The following DNM1 variants were observed in gnomAD, a reference collection of about 807,000 sequenced individuals.
The protein encoded by DNM1 is dynamin 1.
DNM1 carries 29 observed loss-of-function variants against 104.6 expected under a neutral mutation model. The observed-to-expected ratio is 0.28, with a 90% CI of 0.21 to 0.38. The LOEUF (loss-of-function observed/expected upper bound fraction) is 0.38. Ranked by LOEUF, DNM1 falls within the 10% of genes least tolerant of loss-of-function variation. The probability of loss-of-function intolerance (pLI) is 1.00; values close to 1 mark genes in which losing one functional copy is unlikely to be tolerated. For missense variants in DNM1, 640 were observed against 1,189.4 expected, an observed-to-expected ratio of 0.54 and a Z score of 6.79; for synonymous variants, 445 against 475.8, an observed-to-expected ratio of 0.94 and a Z score of 0.84.
In DNM1 at chr9:128,250,201, G is replaced by A. The variant is rs146678077; in HGVS notation, c.2163G>A (p.Gln721=). Residue 721 remains glutamine, a synonymous_variant, in exon 20 of 22, where the codon CAG becomes CAA. Transcript: ENST00000372923. ...CGCTGATGGAGGAGTCGGCGGAGCA[G>A]GCACAGCGGCGCGACGAGATGCTGC... ...QNTLMEESAE[Q]AQRRDEMLRM... is the part of the protein sequence containing the mutation. The A allele has an allele frequency of 1.1e-5, 17 of 1,614,064 alleles. No individual in the cohort carries two copies. The highest frequency in any genetic ancestry group is 1.4e-5 in the Non-Finnish European group (17 of 1,180,046).
intron 3 of DNM1, 47 bp from the exon 4 acceptor site, chr9:128,219,002 C>T (rs927628227): frequency 6.2e-7 from 1 of 1,601,150 alleles, no homozygotes. Context: ...ACCTCGCCCG[C>T]GGCCACGCCC....
intron 11 of DNM1, among the ~76,000 whole-genome samples, chr9:128,234,554 A>C (rs1835893881): frequency 6.6e-6 from 1 of 152,048 alleles, no homozygotes; most frequent in Non-Finnish European, 1.5e-5. Flanking sequence ...TTGTATTTTT[A>C]GTACAGACAG....
intron 10 of DNM1, among the ~76,000 whole-genome samples, chr9:128,229,758 G>A (rs1588394059): frequency 6.6e-6 from 1 of 151,876 alleles, no homozygotes; most frequent in South Asian, 2.1e-4. Context: ...ACTAAAAATA[G>A]AAAAATTAGC....
rs1418145041 is a variant in DNM1, at chr9:128,243,254, T to C, written c.1671+909T>C. ...AATGAGTCTATTTGGCTTTCACATC[T>C]GGATTCCAGAGGTGACCAGAGAGAA... On this transcript the variant is annotated intron_variant, in intron 15 of 21. Transcript: ENST00000372923. The surrounding 1 kb of genome is among the most constrained non-coding windows in gnomAD (Gnocchi z 4.0). Among the ~76,000 whole-genome samples the C allele has an allele frequency of 1.3e-5, 2 of 151,808 alleles. No individual in the cohort carries two copies. The highest frequency in any genetic ancestry group is 2.9e-5 in the Non-Finnish European group (2 of 67,924).
At chr9:128,216,932 G>A (rs1834641927) in intron 1 of DNM1, among the ~76,000 whole-genome samples, 1 of 152,218 alleles carries the variant, frequency 6.6e-6, no homozygotes, top group African/African-American at 2.4e-5. Flanking sequence ...GGGCCCTGGA[G>A]ATCCCATGAC....
In DNM1 at chr9:128,243,889, T is replaced by C. The variant is rs1365777017; in HGVS notation, c.1671+1544T>C. ...CGAAAACAGCTCTGAGAATCATATG[T>C]GGGGAGATGGGAGTCAGCTGTGGGC... is the stretch of plus-strand genomic sequence containing the variant. On this transcript the variant is annotated intron_variant, in intron 15 of 21. Transcript: ENST00000372923. This position sits in a 1 kb window ranked among gnomAD's most constrained non-coding sequence, Gnocchi z 4.0. Among the ~76,000 whole-genome samples the C allele has an allele frequency of 1.3e-5, 2 of 151,940 alleles. No homozygotes were observed. Among genetic ancestry groups the C allele is most frequent in the Admixed American group, 1.3e-4 (2 of 15,258 alleles).
intron 1 of DNM1, among the ~76,000 whole-genome samples, chr9:128,211,247 A>G (rs1397793660): frequency 6.6e-6 from 1 of 152,070 alleles, no homozygotes; most frequent in Admixed American, 6.5e-5. Flanking sequence ...CAGCCTCCCA[A>G]TCTATCTTCC....
At chr9:128,210,018 TTTTTG>T (rs1391866633) in intron 1 of DNM1, among the ~76,000 whole-genome samples, 1 of 151,928 alleles carries the variant, frequency 6.6e-6, no homozygotes, top group Non-Finnish European at 1.5e-5. Context: ...TCATTCCAAG[TTTTTG>T]TTTTGTTTTG....
In DNM1 at chr9:128,240,641, AGCCCCTAGCCTG is replaced by A. The variant is rs1836306484; in HGVS notation, c.1557+648_1557+659del. ...CGTTTATCATTAAATCCTCAGCTCA[AGCCCCTAGCCTG>A]GCACGCAGTAGGTGCTCAACAGAAT... On this transcript the variant is annotated intron_variant, in intron 14 of 21. Coordinates refer to ENST00000372923, the MANE Select transcript of DNM1 (RefSeq NM_004408.4). The surrounding 1 kb of genome is among the most constrained non-coding windows in gnomAD (Gnocchi z 5.1). 1 of 152,654 alleles carries A rather than the reference AGCCCCTAGCCTG, an allele frequency of 6.6e-6. No individual in the cohort carries two copies. The highest frequency in any genetic ancestry group is 1.5e-5 in the Non-Finnish European group (1 of 68,428). 9.5% of individuals were successfully genotyped at this position (152,654 alleles called of 1,614,324 possible).
At chr9:128,246,151 C>T (rs780852760) in intron 15 of DNM1, among the ~76,000 whole-genome samples, 1 of 152,164 alleles carries the variant, frequency 6.6e-6, no homozygotes, top group Non-Finnish European at 1.5e-5. Context: ...CTCTCAGCCT[C>T]CCCACCCCTC....
intron 1 of DNM1, among the ~76,000 whole-genome samples, chr9:128,207,739 A>T (rs1003595078): frequency 3.3e-5 from 5 of 152,240 alleles, no homozygotes; most frequent in African/African-American, 9.6e-5. Flanking sequence ...GATTATGGTG[A>T]GTGTTGAAAC....
intron 14 of DNM1, 125 bp from the exon 15 acceptor site, chr9:128,242,107 C>T: frequency 1.5e-6 from 1 of 683,898 alleles, no homozygotes; most frequent in South Asian, 1.5e-5. Context: ...CCCCACCCTC[C>T]CTGACTGCCA....
chr9:128,253,385 G>A lies in DNM1; in HGVS notation c.2535-1269G>A. On this transcript the variant is annotated intron_variant, in intron 21 of 21. Coordinates refer to ENST00000372923, the MANE Select transcript of DNM1 (RefSeq NM_004408.4). This position sits in a 1 kb window ranked among gnomAD's most constrained non-coding sequence, Gnocchi z 5.9. ...CTGAGCCTGGAGGCTCTTGGAACAG[G>A]CTCCGCGCCCAAGCTGGCAGACATG... 1 of 555,628 alleles carries A rather than the reference G, an allele frequency of 1.8e-6. No homozygotes were observed. Among genetic ancestry groups the A allele is most frequent in the Non-Finnish European group, 3.2e-6 (1 of 310,656 alleles). 34.4% of individuals were successfully genotyped at this position (555,628 alleles called of 1,614,324 possible).
chr9:128,233,906 G>A (rs1469331595), intron 10 of DNM1, 115 bp from the exon 11 acceptor site: 8 of 912,056 alleles, frequency 8.8e-6, no homozygotes, highest in South Asian at 2.9e-5. Flanking sequence ...CGCGTTGTGG[G>A]CATTCTGTGT....
chr9:128,215,857 G>T (rs1403547563), intron 1 of DNM1, among the ~76,000 whole-genome samples: 4 of 152,064 alleles, frequency 2.6e-5, no homozygotes, highest in Admixed American at 2.0e-4. Context: ...TGCTGGTGAG[G>T]AGCTGGTGGA....
rs1829698224 is a variant in DNM1 at position 128,254,025 on chromosome 9, C to T, written c.2535-629C>T. On this transcript the variant is annotated intron_variant, in intron 21 of 21. Transcript: ENST00000372923. The surrounding 1 kb of genome is among the most constrained non-coding windows in gnomAD (Gnocchi z 6.1). Reference sequence around the variant, plus strand: ...TCCCAGCAGGAAGGGCCCAGCCTCACCTACGAGACCTGCAGCCCCCCGACC... The same window carrying T: ...TCCCAGCAGGAAGGGCCCAGCCTCATCTACGAGACCTGCAGCCCCCCGACC... The T allele has an allele frequency of 1.6e-6, 2 of 1,236,430 alleles. No homozygotes were observed. Among genetic ancestry groups the T allele is most frequent in the South Asian group, 4.0e-5 (1 of 24,718 alleles). 76.6% of individuals were successfully genotyped at this position (1,236,430 alleles called of 1,614,324 possible). A position where few individuals can be genotyped will look rare whatever the true frequency, so the allele number is the denominator to read the frequency against.
chr9:128,239,382 C>T lies in DNM1; in HGVS notation c.1423-63C>T, dbSNP rs1054936756. 102 of 1,267,152 alleles carry T rather than the reference C, an allele frequency of 8.0e-5. 1 individual carries two copies. The Admixed American group carries it at 1.7e-3, about 21-fold the overall frequency. The allele number at this position is 1,267,152 out of a possible 1,614,324, so 78.5% of individuals were successfully genotyped here. ...CTGCAAGTACTTTTCTCCCAGCTTGCCCTGCATTTTAAAACTTTGTGGTGT... is the reference window on the plus strand; with the variant it reads ...CTGCAAGTACTTTTCTCCCAGCTTGTCCTGCATTTTAAAACTTTGTGGTGT... On this transcript the variant is annotated intron_variant, in intron 11 of 21. Transcript: ENST00000372923.
chr9:128,230,532 C>T (rs1283962651), intron 10 of DNM1, among the ~76,000 whole-genome samples: 1 of 151,156 alleles, frequency 6.6e-6, no homozygotes, highest in Non-Finnish European at 1.5e-5. Context: ...CTCACTGCAA[C>T]CTCCGCCATC....
intron 15 of DNM1, among the ~76,000 whole-genome samples, chr9:128,246,138 C>A (rs1291442370): frequency 1.3e-5 from 2 of 152,168 alleles, no homozygotes; most frequent in Non-Finnish European, 2.9e-5. Context: ...ATTTTGGGAG[C>A]CACTCTCAGC....
Sources: allele counts gnomAD v4.1 joint callset (sites outside exome capture counted in the v4.1 genomes callset), GRCh38; gene constraint gnomAD v4.1.1; non-coding constraint Gnocchi (gnomAD v3.1); transcripts MANE v1.5; gene names NCBI Gene and HGNC (gene_info 2026-07-23, HGNC 2026-07-21).